Variants in TNPO3 observed in about 807,000 individuals in gnomAD.
TNPO3 encodes the protein transportin-3.
In TNPO3, 65 loss-of-function variants were observed where a neutral mutation model predicts 122.8. That is an observed-to-expected ratio of 0.53 (90% confidence interval 0.43 to 0.65). The LOEUF is 0.65. Among genes scored for constraint, TNPO3 ranks in the 30% least tolerant of loss-of-function variants. The pLI is 0.00. For missense variants in TNPO3, 850 were observed against 1,136.7 expected (o/e 0.75, Z 3.63); for synonymous variants, 372 against 411.2 (o/e 0.90, Z 1.15).
chr7:129,033,461 T>C (rs959953731), intron 1 of TNPO3, among the ~76,000 whole-genome samples: 2 of 152,124 alleles, frequency 1.3e-5, no homozygotes, highest in African/African-American at 4.8e-5. Context: ...ATATGTGTTA[T>C]CAAGAATGTG....
chr7:129,045,450 C>T (rs902078535), intron 1 of TNPO3, among the ~76,000 whole-genome samples: 2 of 150,322 alleles, frequency 1.3e-5, no homozygotes, highest in African/African-American at 4.9e-5. Context: ...GAGCTATGAT[C>T]GCACCACTGC....
chr7:129,002,252 T>C (rs1160075592), intron 5 of TNPO3, among the ~76,000 whole-genome samples: 1 of 152,246 alleles, frequency 6.6e-6, no homozygotes, highest in Non-Finnish European at 1.5e-5. Flanking sequence ...ATTATATCTT[T>C]TCTGAAGAAG....
intron 1 of TNPO3, among the ~76,000 whole-genome samples, chr7:129,033,645 C>A (rs1806212048): frequency 6.6e-6 from 1 of 152,114 alleles, no homozygotes; most frequent in South Asian, 2.1e-4. Flanking sequence ...CAGGGCCGGG[C>A]ACAGTGGCTC....
At position 129,054,644 on chromosome 7, in the gene TNPO3, C is replaced by T. The variant is rs2150585874; in HGVS notation, c.120+7G>A. On this transcript the variant is annotated splice_region_variant and intron_variant, in intron 1 of 22. Coordinates refer to ENST00000265388, the MANE Select transcript of TNPO3 (RefSeq NM_012470.4). The stretch of plus-strand genomic sequence containing the variant: ...GCGGCACAGAACTGCCTCTCTGGGC[C>T]CCTCACCGAACGCTGCAGCTCCCCA... 1.2e-6 allele frequency: 2 copies of T among 1,613,532 alleles called. No individual in the cohort carries two copies. The highest frequency in any genetic ancestry group is 1.7e-6 in the Non-Finnish European group (2 of 1,179,998).
intron 4 of TNPO3, among the ~76,000 whole-genome samples, chr7:129,012,533 G>A (rs539650561): frequency 1.3e-5 from 2 of 152,150 alleles, no homozygotes; most frequent in Admixed American, 1.3e-4. Context: ...TTTCAGATTA[G>A]GAATGCTGAA....
chr7:129,025,489 A>G (rs1158099292), intron 1 of TNPO3, among the ~76,000 whole-genome samples: 1 of 151,480 alleles, frequency 6.6e-6, no homozygotes, highest in Non-Finnish European at 1.5e-5. Context: ...ATAAAAGGAC[A>G]GTGGTTACCT....
chr7:129,036,898 T>G (rs1020794867), intron 1 of TNPO3, among the ~76,000 whole-genome samples: 1 of 152,078 alleles, frequency 6.6e-6, no homozygotes, highest in African/African-American at 2.4e-5. Context: ...GAATTATAGA[T>G]TGCTATGCTT....
rs754991863 is a variant in TNPO3 at position 128,982,229 on chromosome 7, C to T, written c.1859+19G>A. ...TGAGCCTTTAACCCAAGTAAGGCAT[C>T]CAGAGTCTCCTTTCTTACCTAAATA... is the stretch of plus-strand genomic sequence containing the variant. On this transcript the variant is annotated intron_variant, in intron 14 of 22. Transcript: ENST00000265388. 1.2e-5 allele frequency: 20 copies of T among 1,608,974 alleles called. No homozygotes were observed. The highest frequency in any genetic ancestry group is 1.7e-5 in the Non-Finnish European group (20 of 1,176,316).
At position 128,970,174 on chromosome 7, in the gene TNPO3, A is replaced by G. The variant is rs886044413; in HGVS notation, c.2572T>C (p.Trp858Arg). 4 of 1,614,096 alleles carry G rather than the reference A, an allele frequency of 2.5e-6. No individual in the cohort carries two copies. In the Admixed American group the frequency reaches 5.0e-5, roughly 20 times the overall value. ...YTLPDVAEVL[W>R]EIMQVDRPTF... The stretch of plus-strand genomic sequence containing the variant: ...GGTCTGTCAACCTGCATGATCTCCC[A>G]GAGCACTTCAGCCACATCTGGTAGG... The change falls in exon 20 of 23, where the codon TGG becomes CGG. Residue 858 changes from tryptophan (W) to arginine (R), a missense_variant. Transcript: ENST00000265388.
At chr7:129,045,368 T>G (rs759709391) in intron 1 of TNPO3, among the ~76,000 whole-genome samples, 3 of 152,086 alleles carry the variant, frequency 2.0e-5, no homozygotes, top group Non-Finnish European at 2.9e-5. Flanking sequence ...CGGTAGCTCA[T>G]GCCTGTAATC....
At chr7:129,014,304 C>T (rs1803578190) in intron 4 of TNPO3, among the ~76,000 whole-genome samples, 1 of 152,166 alleles carries the variant, frequency 6.6e-6, no homozygotes, top group Non-Finnish European at 1.5e-5. Flanking sequence ...AGGTGGATCA[C>T]TTGAGGTCAG....
Position 128,974,929 on chromosome 7 carries a change from G to A in TNPO3, c.2212C>T (p.Gln738Ter). ...GGGTGATTCTGGAGACCATTCTGCT[G>A]TTCTAGGAGCTGAAAGGTGGGGATG... ...LCIPTFQLLE[Q>*]QNGLQNHPDT... The change falls in exon 18 of 23, where the codon CAG becomes TAG. Residue 738 changes from glutamine to a stop codon, truncating the protein, a stop_gained. Coordinates refer to ENST00000265388, the MANE Select transcript of TNPO3 (RefSeq NM_012470.4). LOFTEE classifies it high-confidence loss of function. 1 of 1,614,202 alleles carries A rather than the reference G, an allele frequency of 6.2e-7. No homozygotes were observed. The highest frequency in any genetic ancestry group is 8.5e-7 in the Non-Finnish European group (1 of 1,180,036).
Position 129,001,101 on chromosome 7 carries a change from T to A in TNPO3, c.830A>T (p.Glu277Val), listed in dbSNP as rs771890788. 1 of 1,614,162 alleles carries A rather than the reference T, an allele frequency of 6.2e-7. No individual in the cohort carries two copies. The highest frequency in any genetic ancestry group is 8.5e-7 in the Non-Finnish European group (1 of 1,180,012). Residue 277 changes from glutamate to valine, a missense_variant, in exon 6 of 23, where the codon GAG becomes GTG. Physicochemically the swap from Glu to Val is moderately radical, Grantham distance 121. Coordinates refer to ENST00000265388, the MANE Select transcript of TNPO3 (RefSeq NM_012470.4). ...MQLFQGVLTL[E>V]TAYHMAVARE... ...TGCCACGGCCATATGATAGGCAGTC[T>A]CCAATGTCAGCACTCCCTGAAAAAG... is the stretch of plus-strand genomic sequence containing the variant.
chr7:129,055,924 A>G, upstream of TNPO3: 1 of 644,246 alleles, frequency 1.6e-6, no homozygotes, highest in South Asian at 1.8e-5. Context: ...CTGTAGTTAC[A>G]AGATCTCATT....
intron 14 of TNPO3, 83 bp downstream of exon 14, chr7:128,982,165 A>G: frequency 8.1e-7 from 1 of 1,230,850 alleles, no homozygotes; most frequent in Non-Finnish European, 1.2e-6. Context: ...AAGTATGAGG[A>G]AAAAATACTT....
chr7:129,021,706 G>A (rs956606594), intron 1 of TNPO3, among the ~76,000 whole-genome samples: 11 of 152,048 alleles, frequency 7.2e-5, no homozygotes, highest in Non-Finnish European at 1.5e-4. Context: ...AAGAAGACCA[G>A]AAAAACAGGT....
intron 21 of TNPO3, among the ~76,000 whole-genome samples, chr7:128,961,404 A>T (rs1331409969): frequency 2.6e-5 from 4 of 152,144 alleles, no homozygotes; most frequent in Non-Finnish European, 5.9e-5. Flanking sequence ...GTAGCCTAGG[A>T]GCAATAGGCT....
intron 1 of TNPO3, among the ~76,000 whole-genome samples, chr7:129,043,268 T>C (rs532310133): frequency 2.0e-5 from 3 of 149,656 alleles, no homozygotes; most frequent in Non-Finnish European, 3.0e-5. Context: ...CAGGATGTGA[T>C]GGTGCGCACC....
intron 1 of TNPO3, among the ~76,000 whole-genome samples, chr7:129,049,221 A>C (rs1808414435): frequency 6.6e-6 from 1 of 152,214 alleles, no homozygotes; most frequent in Non-Finnish European, 1.5e-5. Flanking sequence ...TACTATGAGA[A>C]ATATTTCAGC....
Sources: gnomAD v4.1 joint callset for allele counts (sites outside exome capture counted in the v4.1 genomes callset) on GRCh38, gnomAD v4.1.1 for gene constraint, MANE v1.5 for transcripts, NCBI Gene and HGNC (gene_info 2026-07-23, HGNC 2026-07-21) for gene names.